CDH18: variants seen among roughly 807,000 people sequenced by gnomAD.
The protein encoded by CDH18 is cadherin 18.
In CDH18, 31 loss-of-function variants were observed where a neutral mutation model predicts 67.9. The ratio of observed to expected loss-of-function variants is 0.46; its 90% confidence interval spans 0.34 to 0.62. CDH18 has a LOEUF of 0.62. Ranked by LOEUF, CDH18 falls within the 20% of genes least tolerant of loss-of-function variation. The pLI, the probability that CDH18 is intolerant of heterozygous loss-of-function variation, is 0.01. For missense variants in CDH18, 890 were observed against 975.5 expected (o/e 0.91, Z 1.17); for synonymous variants, 362 against 347.2 (o/e 1.04, Z -0.48).
intron 2 of CDH18, among the ~76,000 whole-genome samples, chr5:20,163,478 C>T (rs1455060649): frequency 2.0e-5 from 3 of 152,146 alleles, no homozygotes. Flanking sequence ...TTATTCTTAA[C>T]AGAAAATCTA....
chr5:20,489,354 A>G (rs1453018306), intron 1 of CDH18, among the ~76,000 whole-genome samples: 1 of 152,112 alleles, frequency 6.6e-6, no homozygotes, highest in African/African-American at 2.4e-5. Flanking sequence ...ACATGTGGGT[A>G]AATTGGTCCC....
At chr5:20,152,149 T>G (rs141991583) in intron 2 of CDH18, among the ~76,000 whole-genome samples, 9,524 of 145,076 alleles carry the variant, frequency 0.066, 338 homozygotes, top group East Asian at 0.14. Flanking sequence ...AAATTATATA[T>G]AATTTTATAA....
At chr5:20,307,263 G>A (rs980869297) in intron 1 of CDH18, among the ~76,000 whole-genome samples, 1 of 151,994 alleles carries the variant, frequency 6.6e-6, no homozygotes, top group Non-Finnish European at 1.5e-5. Flanking sequence ...ATTTTGGCAG[G>A]GGATGACACC....
At chr5:19,815,855 T>C (rs1338973759) in intron 3 of CDH18, among the ~76,000 whole-genome samples, 1 of 150,868 alleles carries the variant, frequency 6.6e-6, no homozygotes, top group Non-Finnish European at 1.5e-5. Context: ...CTTGTAGTTG[T>C]TTTTGTTTAA....
At chr5:19,496,346 C>T (rs347721) in intron 11 of CDH18, among the ~76,000 whole-genome samples, 80,607 of 151,948 alleles carry the variant, frequency 0.53, 21,860 homozygotes, top group African/African-American at 0.64. Flanking sequence ...TCTTGGGAAA[C>T]ATATTATCAT....
At chr5:19,683,684 T>C (rs575057036) in intron 5 of CDH18, among the ~76,000 whole-genome samples, 1 of 152,236 alleles carries the variant, frequency 6.6e-6, no homozygotes, top group African/African-American at 2.4e-5. Flanking sequence ...ATTTGATATG[T>C]TTGGAAACTT....
chr5:19,486,044 G>C (rs3811862), intron 11 of CDH18, among the ~76,000 whole-genome samples: 15,355 of 151,926 alleles, frequency 0.1, 823 homozygotes, highest in South Asian at 0.13. Context: ...AAGACATAAG[G>C]ACATAAAGAT....
chr5:20,102,928 T>A (rs1746598859), intron 2 of CDH18, among the ~76,000 whole-genome samples: 1 of 152,194 alleles, frequency 6.6e-6, no homozygotes, highest in Non-Finnish European at 1.5e-5. Context: ...ACCTAATAAG[T>A]TTTTTAGTCT....
intron 2 of CDH18, among the ~76,000 whole-genome samples, chr5:20,040,111 A>T (rs1393835181): frequency 6.6e-6 from 1 of 152,162 alleles, no homozygotes; most frequent in Non-Finnish European, 1.5e-5. Flanking sequence ...CCTCATCATC[A>T]CTGGTCATTA....
intron 2 of CDH18, among the ~76,000 whole-genome samples, chr5:19,956,382 C>G (rs992796743): frequency 5.3e-5 from 8 of 151,928 alleles, no homozygotes; most frequent in African/African-American, 1.7e-4. Context: ...AAAGATAACA[C>G]TTTGATTACC....
intron 1 of CDH18, among the ~76,000 whole-genome samples, chr5:20,453,005 A>C (rs1750575118): frequency 6.6e-6 from 1 of 152,192 alleles, no homozygotes; most frequent in South Asian, 2.1e-4. Flanking sequence ...ACACAGGCTG[A>C]TAACTCCATT....
intron 2 of CDH18, among the ~76,000 whole-genome samples, chr5:20,020,152 G>A (rs1676890359): frequency 6.6e-6 from 1 of 152,294 alleles, no homozygotes; most frequent in African/African-American, 2.4e-5. Context: ...CGTTCAAGAA[G>A]TGGCCTGGCT....
chr5:20,530,182 G>A (rs1348982586), intron 1 of CDH18, among the ~76,000 whole-genome samples: 2 of 151,976 alleles, frequency 1.3e-5, no homozygotes, highest in East Asian at 1.9e-4. Context: ...AGCTAACAAG[G>A]GAAGTGAAGG....
intron 2 of CDH18, among the ~76,000 whole-genome samples, chr5:20,147,223 T>C (rs184956947): frequency 2.6e-5 from 4 of 152,268 alleles, no homozygotes; most frequent in Admixed American, 6.5e-5. Context: ...ATAAGGTTGA[T>C]TCAAAAGAAG....
intron 3 of CDH18, among the ~76,000 whole-genome samples, chr5:19,749,704 A>G (rs1581182802): frequency 6.6e-6 from 1 of 151,060 alleles, no homozygotes; most frequent in East Asian, 1.9e-4. Flanking sequence ...TATACACTAT[A>G]TAGATTCTAG....
At chr5:19,590,309 G>C (rs1354147675) in intron 7 of CDH18, among the ~76,000 whole-genome samples, 1 of 152,030 alleles carries the variant, frequency 6.6e-6, no homozygotes, top group African/African-American at 2.4e-5. Context: ...GGTGATTATT[G>C]TTCTCTAAGT....
At chr5:19,811,912 T>C (rs918461277) in intron 3 of CDH18, among the ~76,000 whole-genome samples, 4 of 152,116 alleles carry the variant, frequency 2.6e-5, no homozygotes, top group Admixed American at 6.5e-5. Flanking sequence ...AGGTTCTACA[T>C]AAACAATAAG....
chr5:20,256,964 A>G (rs1744287312), intron 1 of CDH18, among the ~76,000 whole-genome samples: 9 of 50,274 alleles, frequency 1.8e-4, no homozygotes, highest in South Asian at 7.0e-4. Flanking sequence ...TATCTATCTA[A>G]TCTATCTATA....
intron 1 of CDH18, among the ~76,000 whole-genome samples, chr5:20,301,205 T>C (rs1426092046): frequency 6.6e-6 from 1 of 152,184 alleles, no homozygotes; most frequent in Non-Finnish European, 1.5e-5. Flanking sequence ...GTTTGTTTGT[T>C]TTACTTTTCA....
Sources: gnomAD v4.1 joint callset for allele counts (sites outside exome capture counted in the v4.1 genomes callset) on GRCh38, gnomAD v4.1.1 for gene constraint, MANE v1.5 for transcripts, NCBI Gene and HGNC (gene_info 2026-07-23, HGNC 2026-07-21) for gene names.